Variants in RSPO3 observed in about 807,000 individuals in gnomAD.
RSPO3 encodes R-spondin 3, also known as R-spondin-3.
RSPO3 carries 17 observed loss-of-function variants against 36.5 expected under a neutral mutation model. The ratio of observed to expected loss-of-function variants is 0.47; its 90% CI spans 0.32 to 0.70. The LOEUF is 0.70. Ranked by LOEUF, RSPO3 falls within the 30% of genes least tolerant of loss-of-function variation. The pLI is 0.04. For synonymous variants in RSPO3, 108 were observed against 107.0 expected, an observed-to-expected ratio of 1.01 and a Z score of -0.06; for missense variants, 294 against 322.5, an observed-to-expected ratio of 0.91 and a Z score of 0.68.
intron 4 of RSPO3, 87 bp from the exon 5 acceptor site, chr6:127,195,734 TAA>T (rs1177843481): frequency 1.6e-5 from 14 of 857,248 alleles, no homozygotes; most frequent in Admixed American, 3.0e-5. Context: ...ATATATAATC[TAA>T]GAGAAATTTA....
Position 127,197,319 on chromosome 6 carries a change from C to G in RSPO3, c.*1312C>G. 2 of 1,417,842 alleles carry G rather than the reference C, an allele frequency of 1.4e-6. No individual in the cohort carries two copies. Among genetic ancestry groups the G allele is most frequent in the Non-Finnish European group, 1.9e-6 (2 of 1,053,518 alleles). 87.8% of individuals were successfully genotyped at this position (1,417,842 alleles called of 1,614,324 possible). A position where few individuals can be genotyped will look rare whatever the true frequency, so the allele number is the denominator to read the frequency against. ...CCTCCCTAGCTGATTTCACTGCTCC[C>G]CCTTCATTGCTTAGAAATGGGCATC... is the stretch of plus-strand genomic sequence containing the variant. On this transcript the variant is annotated 3_prime_UTR_variant, in exon 5 of 5. Transcript: ENST00000356698.
At position 127,198,438 on chromosome 6, in the gene RSPO3, T is replaced by G. The variant is rs1775557208; in HGVS notation, c.*2431T>G. Among the ~76,000 whole-genome samples, 1 of 152,152 alleles carries G rather than the reference T, an allele frequency of 6.6e-6. No homozygotes were observed. Among genetic ancestry groups the G allele is most frequent in the African/African-American group, 2.4e-5 (1 of 41,434 alleles). On this transcript the variant is annotated 3_prime_UTR_variant, in exon 5 of 5. Transcript: ENST00000356698. ...AGCCTTCTCAAATTTGAGCAAAAAC[T>G]CTATCAACCTCTGGTAAAGTTCCTA...
At chr6:127,144,235 G>C (rs1431432500) in intron 1 of RSPO3, among the ~76,000 whole-genome samples, 1 of 152,050 alleles carries the variant, frequency 6.6e-6, no homozygotes, top group African/African-American at 2.4e-5. Flanking sequence ...CACATTTTTA[G>C]TAGAAAGTCC....
chr6:127,136,909 G>A (rs780657788), intron 1 of RSPO3, among the ~76,000 whole-genome samples: 15 of 152,198 alleles, frequency 9.9e-5, no homozygotes, highest in Middle Eastern at 3.4e-3. Context: ...GATCTTTAAC[G>A]TCCTGTCCCA....
In RSPO3 at chr6:127,196,011, G is replaced by T. The variant is rs1170560450; in HGVS notation, c.*4G>T. The T allele has an allele frequency of 1.9e-6, 3 of 1,596,720 alleles. No individual in the cohort carries two copies. The highest frequency in any genetic ancestry group is 2.6e-6 in the Non-Finnish European group (3 of 1,170,922). On this transcript the variant is annotated 3_prime_UTR_variant, in exon 5 of 5. Coordinates refer to ENST00000356698, the MANE Select transcript of RSPO3 (RefSeq NM_032784.5). Reference sequence around the variant, plus strand: ...ATCAGTCAGCACTGTACACTAGAGGGTTCCATGAGATTATTGTAGACTCAT... The same window carrying T: ...ATCAGTCAGCACTGTACACTAGAGGTTTCCATGAGATTATTGTAGACTCAT...
intron 1 of RSPO3, among the ~76,000 whole-genome samples, chr6:127,138,012 A>G (rs749695006): frequency 6.6e-6 from 1 of 152,208 alleles, no homozygotes; most frequent in Non-Finnish European, 1.5e-5. Context: ...ATAATGTAAT[A>G]CTGAAAGTGT....
chr6:127,141,881 ATGTG>A (rs1422751539), intron 1 of RSPO3, among the ~76,000 whole-genome samples: 102 of 151,592 alleles, frequency 6.7e-4, no homozygotes, highest in African/African-American at 2.3e-3. Flanking sequence ...ACACACATAT[ATGTG>A]TGTGTGTATC....
At chr6:127,174,368 T>G (rs1247932062) in intron 4 of RSPO3, among the ~76,000 whole-genome samples, 1 of 151,882 alleles carries the variant, frequency 6.6e-6, no homozygotes, top group East Asian at 1.9e-4. Context: ...AACGAACAAA[T>G]TTGTGTTTGC....
intron 4 of RSPO3, among the ~76,000 whole-genome samples, chr6:127,174,849 T>C (rs913053463): frequency 6.6e-6 from 1 of 151,802 alleles, no homozygotes; most frequent in African/African-American, 2.4e-5. Context: ...GAAAGTTTTC[T>C]TAGGGCAGTT....
intron 4 of RSPO3, among the ~76,000 whole-genome samples, chr6:127,174,096 A>T (rs906008149): frequency 8.5e-6 from 1 of 117,030 alleles, no homozygotes; most frequent in Non-Finnish European, 2.0e-5. Flanking sequence ...TGCATTTCTA[A>T]TAATGTGTGT....
intron 4 of RSPO3, among the ~76,000 whole-genome samples, chr6:127,183,033 C>T (rs1378067670): frequency 6.6e-6 from 1 of 151,930 alleles, no homozygotes; most frequent in Non-Finnish European, 1.5e-5. Flanking sequence ...GTTATTTGTT[C>T]CTCTTCCTGA....
At chr6:127,183,550 C>T (rs1240040718) in intron 4 of RSPO3, among the ~76,000 whole-genome samples, 1 of 151,954 alleles carries the variant, frequency 6.6e-6, no homozygotes, top group Non-Finnish European at 1.5e-5. Flanking sequence ...TTCTCCAACT[C>T]TAACTCGAAT....
chr6:127,164,313 A>G (rs1774770384), intron 4 of RSPO3, among the ~76,000 whole-genome samples: 1 of 152,042 alleles, frequency 6.6e-6, no homozygotes. Context: ...ACAGATGTAA[A>G]TCATCTCCCA....
chr6:127,190,172 C>G (rs1775379377), intron 4 of RSPO3, among the ~76,000 whole-genome samples: 1 of 152,060 alleles, frequency 6.6e-6, no homozygotes. Flanking sequence ...ACCTGTAATC[C>G]CAGCACTTTG....
At chr6:127,147,237 G>A (rs1332734668) in intron 1 of RSPO3, among the ~76,000 whole-genome samples, 1 of 152,090 alleles carries the variant, frequency 6.6e-6, no homozygotes, top group Non-Finnish European at 1.5e-5. Flanking sequence ...GCACCCCTGT[G>A]GTAAGGCTGT....
intron 4 of RSPO3, among the ~76,000 whole-genome samples, chr6:127,177,117 T>C (rs1775071802): frequency 1.3e-5 from 2 of 151,866 alleles, no homozygotes; most frequent in South Asian, 2.1e-4. Context: ...GCTAAGTCTA[T>C]TGCTCACATC....
intron 4 of RSPO3, among the ~76,000 whole-genome samples, chr6:127,178,906 T>G (rs1416004901): frequency 1.3e-5 from 2 of 151,832 alleles, no homozygotes; most frequent in Non-Finnish European, 2.9e-5. Flanking sequence ...TAGGAAGAAC[T>G]GAAGCGGTGA....
chr6:127,163,451 T>A (rs1774750655), intron 4 of RSPO3, among the ~76,000 whole-genome samples: 1 of 152,156 alleles, frequency 6.6e-6, no homozygotes, highest in African/African-American at 2.4e-5. Context: ...AAGGAGTTGA[T>A]GCCTTATCCT....
At chr6:127,188,204 AT>A (rs1227989615) in intron 4 of RSPO3, among the ~76,000 whole-genome samples, 2 of 152,212 alleles carry the variant, frequency 1.3e-5, no homozygotes, top group African/African-American at 4.8e-5. Flanking sequence ...TTAGTGGATA[AT>A]AAAATTATTT....
Sources: allele counts gnomAD v4.1 joint callset (sites outside exome capture counted in the v4.1 genomes callset), GRCh38; gene constraint gnomAD v4.1.1; transcripts MANE v1.5; gene names NCBI Gene and HGNC (gene_info 2026-07-23, HGNC 2026-07-21).